Variants in ZMAT4 observed in about 807,000 individuals in gnomAD.
ZMAT4 encodes the protein zinc finger matrin-type protein 4.
In ZMAT4, 17 loss-of-function variants were observed where a neutral mutation model predicts 28.7. That is an observed-to-expected ratio of 0.59 (90% CI 0.41 to 0.89). The LOEUF is 0.89. Ranked by LOEUF, ZMAT4 falls within the 40% of genes least tolerant of loss-of-function variation. The pLI is 0.00. For missense variants in ZMAT4, 240 were observed against 283.8 expected, an observed-to-expected ratio of 0.85 and a Z score of 1.11; for synonymous variants, 117 against 109.2, an observed-to-expected ratio of 1.07 and a Z score of -0.44.
chr8:40,741,940 T>C (rs943785650), intron 3 of ZMAT4, among the ~76,000 whole-genome samples: 1 of 152,076 alleles, frequency 6.6e-6, no homozygotes, highest in Non-Finnish European at 1.5e-5. Flanking sequence ...ACTATTTTAG[T>C]ATATAAAAAG....
Position 40,802,742 on chromosome 8 carries a change from G to C in ZMAT4, c.102+22833C>G, listed in dbSNP as rs151145640. On this transcript the variant is annotated intron_variant, in intron 2 of 6. Transcript: ENST00000297737. The stretch of plus-strand genomic sequence containing the variant: ...AAATTGATTCTACAGTTTAGACAGA[G>C]AGGCAAAAAACCAAAATAGCCAACT... Among the ~76,000 whole-genome samples the C allele has an allele frequency of 3.2e-3, 491 of 152,216 alleles. 5 individuals carry two copies. Among genetic ancestry groups the C allele is most frequent in the African/African-American group, 0.011 (463 of 41,566 alleles).
chr8:40,571,522 G>T (rs1339025391), intron 6 of ZMAT4, among the ~76,000 whole-genome samples: 1 of 152,108 alleles, frequency 6.6e-6, no homozygotes, highest in Admixed American at 6.5e-5. Flanking sequence ...ACAGGGCTAG[G>T]TAGAAAGCAG....
At chr8:40,548,780 T>C (rs1803277113) in intron 6 of ZMAT4, among the ~76,000 whole-genome samples, 1 of 152,176 alleles carries the variant, frequency 6.6e-6, no homozygotes, top group African/African-American at 2.4e-5. Flanking sequence ...ATGAGGCTGA[T>C]AGAATTCTTT....
At chr8:40,803,887 T>C (rs528385167) in intron 2 of ZMAT4, among the ~76,000 whole-genome samples, 2 of 152,178 alleles carry the variant, frequency 1.3e-5, no homozygotes, top group East Asian at 1.9e-4. Context: ...TGGACTATTA[T>C]TCATCACTAA....
At chr8:40,728,164 G>A (rs978218255) in intron 3 of ZMAT4, among the ~76,000 whole-genome samples, 3 of 152,088 alleles carry the variant, frequency 2.0e-5, no homozygotes, top group Admixed American at 1.3e-4. Flanking sequence ...ATGTCCTTAA[G>A]ATAAAATTAC....
At chr8:40,632,866 T>C (rs1419770290) in intron 5 of ZMAT4, among the ~76,000 whole-genome samples, 4 of 152,240 alleles carry the variant, frequency 2.6e-5, no homozygotes, top group African/African-American at 7.2e-5. Context: ...TCTGTATTTC[T>C]CACATGTACA....
chr8:40,601,128 A>C (rs1805287592), intron 5 of ZMAT4, among the ~76,000 whole-genome samples: 1 of 152,098 alleles, frequency 6.6e-6, no homozygotes, highest in Admixed American at 6.6e-5. Context: ...AACTTTATTC[A>C]GTTGATGCAT....
At chr8:40,705,161 G>C (rs1008204844) in intron 3 of ZMAT4, among the ~76,000 whole-genome samples, 2 of 152,178 alleles carry the variant, frequency 1.3e-5, no homozygotes, top group African/African-American at 4.8e-5. Context: ...TTGGAATTTG[G>C]ATGGCTTTAG....
chr8:40,839,100 AT>A (rs1816605036), intron 1 of ZMAT4, among the ~76,000 whole-genome samples: 2 of 152,320 alleles, frequency 1.3e-5, no homozygotes, highest in East Asian at 3.9e-4. Flanking sequence ...CTCTTCCAGA[AT>A]ATTTACTACC....
At chr8:40,830,021 G>A (rs1487820594) in intron 1 of ZMAT4, among the ~76,000 whole-genome samples, 1 of 152,080 alleles carries the variant, frequency 6.6e-6, no homozygotes, top group African/African-American at 2.4e-5. Context: ...GCCAGGTCCC[G>A]AAATGTTTCT....
Position 40,626,487 on chromosome 8 carries a change from T to G in ZMAT4, c.578-45226A>C, listed in dbSNP as rs1310972386. On this transcript the variant is annotated intron_variant, in intron 5 of 6. Transcript: ENST00000297737. ...AATTCCTGAACATATAAAACTCTTC[T>G]GTGTTAGGGCCCAGGGCAGACTCTA... Among the ~76,000 whole-genome samples, 4 of 152,320 alleles carry G rather than the reference T, an allele frequency of 2.6e-5. No homozygotes were observed. In the South Asian group the frequency reaches 8.3e-4, roughly 32 times the overall value.
At chr8:40,710,508 G>C (rs190695338) in intron 3 of ZMAT4, among the ~76,000 whole-genome samples, 99 of 152,110 alleles carry the variant, frequency 6.5e-4, no homozygotes, top group South Asian at 1.5e-3. Context: ...ATTCTAACCA[G>C]TGAAGAGGGC....
At chr8:40,847,436 A>G (rs1816948615) in intron 1 of ZMAT4, among the ~76,000 whole-genome samples, 1 of 152,176 alleles carries the variant, frequency 6.6e-6, no homozygotes, top group African/African-American at 2.4e-5. Flanking sequence ...CCTCCTTGCA[A>G]CTCAAGAGTG....
At chr8:40,698,763 C>T (rs771643588) in intron 3 of ZMAT4, among the ~76,000 whole-genome samples, 25 of 152,124 alleles carry the variant, frequency 1.6e-4, no homozygotes, top group Non-Finnish European at 1.8e-4. Flanking sequence ...GCATTTCATC[C>T]TTGGAAGGAA....
Position 40,582,006 on chromosome 8 carries a change from C to G in ZMAT4, c.578-745G>C, listed in dbSNP as rs759179581. On this transcript the variant is annotated intron_variant, in intron 5 of 6. Transcript: ENST00000297737. Reference sequence around the variant, plus strand: ...TTAAACATTTGCCGCAGAGCTGAGACCCATAATGAAACATATTCCTTCAGC... The same window carrying G: ...TTAAACATTTGCCGCAGAGCTGAGAGCCATAATGAAACATATTCCTTCAGC... 9.2e-5 allele frequency among the ~76,000 whole-genome samples: 14 copies of G among 152,230 alleles called. No homozygotes were observed. The Middle Eastern group carries it at 0.01, about 111-fold the overall frequency.
intron 3 of ZMAT4, among the ~76,000 whole-genome samples, chr8:40,707,259 C>T (rs1044851678): frequency 7.2e-6 from 1 of 138,140 alleles, no homozygotes; most frequent in African/African-American, 2.7e-5. Context: ...AAGCATATAT[C>T]TTATTGTCTC....
chr8:40,577,888 G>A (rs1335049859), intron 6 of ZMAT4, among the ~76,000 whole-genome samples: 3 of 151,902 alleles, frequency 2.0e-5, no homozygotes, highest in East Asian at 3.9e-4. Flanking sequence ...TCTAAATAAA[G>A]ATGTTTAAGA....
intron 3 of ZMAT4, among the ~76,000 whole-genome samples, chr8:40,722,035 A>T (rs1811124457): frequency 6.6e-6 from 1 of 152,058 alleles, no homozygotes; most frequent in Non-Finnish European, 1.5e-5. Flanking sequence ...AAGATAGATT[A>T]AAGATTTAAA....
At chr8:40,740,739 C>G (rs1384428223) in intron 3 of ZMAT4, among the ~76,000 whole-genome samples, 1 of 152,118 alleles carries the variant, frequency 6.6e-6, no homozygotes, top group Non-Finnish European at 1.5e-5. Context: ...GTTTATGGAG[C>G]CTTGTGAAAA....
Sources: allele counts gnomAD v4.1 joint callset (sites outside exome capture counted in the v4.1 genomes callset), GRCh38; gene constraint gnomAD v4.1.1; transcripts MANE v1.5; gene names NCBI Gene and HGNC (gene_info 2026-07-23, HGNC 2026-07-21).